The following ARHGEF28 variants were observed in gnomAD, a reference collection of about 807,000 sequenced individuals.
ARHGEF28 encodes 190 kDa guanine nucleotide exchange factor.
ARHGEF28 carries 152 observed loss-of-function variants against 206.6 expected under a neutral mutation model. The ratio of observed to expected loss-of-function variants is 0.74; its 90% CI spans 0.64 to 0.84. The LOEUF is 0.84. Among genes scored for constraint, ARHGEF28 ranks in the 40% least tolerant of loss-of-function variants. The pLI, the probability that ARHGEF28 is intolerant of heterozygous loss-of-function variation, is 0.00. For synonymous variants in ARHGEF28, 763 were observed against 776.4 expected, an observed-to-expected ratio of 0.98 and a Z score of 0.29; for missense variants, 2,028 against 2,073.2, an observed-to-expected ratio of 0.98 and a Z score of 0.42.
chr5:73,855,644 A>T (rs1032318851), intron 14 of ARHGEF28, among the ~76,000 whole-genome samples: 2 of 151,988 alleles, frequency 1.3e-5, no homozygotes, highest in African/African-American at 2.4e-5. Flanking sequence ...AGGCAGGTGA[A>T]TCACTTGAAC....
At chr5:73,845,986 CAAAAAAAAA>C (rs57600570) in intron 11 of ARHGEF28, among the ~76,000 whole-genome samples, 24 of 63,736 alleles carry the variant, frequency 3.8e-4, no homozygotes, top group African/African-American at 9.8e-4. Context: ...AAAACTGTCT[CAAAAAAAAA>C]AAAAAAAAAA....
chr5:73,787,074 A>G (rs1304545215), intron 7 of ARHGEF28, among the ~76,000 whole-genome samples: 2 of 152,194 alleles, frequency 1.3e-5, no homozygotes, highest in East Asian at 1.9e-4. Flanking sequence ...GTTGTTTCCA[A>G]GATTTTTCAT....
At chr5:73,798,174 A>G (rs1334826084) in intron 9 of ARHGEF28, among the ~76,000 whole-genome samples, 1 of 152,168 alleles carries the variant, frequency 6.6e-6, no homozygotes, top group Non-Finnish European at 1.5e-5. Flanking sequence ...AAATAAGCAC[A>G]TCATGGGGAA....
At chr5:73,629,358 G>C (rs915116344) in intron 1 of ARHGEF28, among the ~76,000 whole-genome samples, 3 of 151,996 alleles carry the variant, frequency 2.0e-5, no homozygotes, top group African/African-American at 7.3e-5. Flanking sequence ...AAACTAGCCA[G>C]GCATGGTGGT....
Position 73,846,343 on chromosome 5 carries a change from A to G in ARHGEF28, c.1503A>G (p.Pro501=), listed in dbSNP as rs374237927. The change falls in exon 12 of 36, where the codon CCA becomes CCG. Residue 501 remains proline (P), a synonymous_variant. Coordinates refer to ENST00000513042, the MANE Select transcript of ARHGEF28 (RefSeq NM_001177693.2). ...HSEPSHICYT[P]GSQSSSRTGI... is the part of the protein sequence containing the mutation. ...AGCCATCCCACATCTGTTACACTCC[A>G]GGGTCTCAGAGCTCCTCAAGAACTG... 4.4e-5 allele frequency: 71 copies of G among 1,613,800 alleles called. No individual in the cohort carries two copies. In the African/African-American group the frequency reaches 8.3e-4, roughly 19 times the overall value.
chr5:73,898,240 G>A, intron 30 of ARHGEF28, 147 bp downstream of exon 30: 2 of 981,136 alleles, frequency 2.0e-6, no homozygotes, highest in Non-Finnish European at 2.9e-6. Flanking sequence ...GAATAAATAT[G>A]CTAGCCTAAA....
chr5:73,848,898 T>C, intron 12 of ARHGEF28, 78 bp from the exon 13 acceptor site: 1 of 1,033,676 alleles, frequency 9.7e-7, no homozygotes, highest in African/African-American at 1.7e-5. Flanking sequence ...GGTGCAAATT[T>C]AGTAACATTT....
intron 4 of ARHGEF28, among the ~76,000 whole-genome samples, chr5:73,766,796 C>G (rs913395813): frequency 6.6e-6 from 1 of 152,244 alleles, no homozygotes; most frequent in South Asian, 2.1e-4. Context: ...GCAGCATTAT[C>G]TAATACATTT....
At chr5:73,834,125 T>C (rs983888824) in intron 10 of ARHGEF28, among the ~76,000 whole-genome samples, 4 of 152,198 alleles carry the variant, frequency 2.6e-5, no homozygotes, top group African/African-American at 4.8e-5. Context: ...TTGATACATG[T>C]ACATATTATG....
At position 73,931,650 on chromosome 5, in the gene ARHGEF28, C is replaced by T. The variant is rs146919253; in HGVS notation, c.4949-9194C>T. 3.0e-3 allele frequency among the ~76,000 whole-genome samples: 462 copies of T among 152,062 alleles called. 5 individuals are homozygous for T. In the Middle Eastern group the frequency reaches 0.092, roughly 30 times the overall value. On this transcript the variant is annotated intron_variant, in intron 35 of 35. Transcript: ENST00000513042. ...ACTGAAAATTTTCAAGATATTTTTC[C>T]TGTTACAGCTGCTATTTTATGGAAT...
At chr5:73,813,935 G>A (rs1372237727) in intron 9 of ARHGEF28, among the ~76,000 whole-genome samples, 1 of 151,180 alleles carries the variant, frequency 6.6e-6, no homozygotes, top group Non-Finnish European at 1.5e-5. Context: ...AAAGAAGGGA[G>A]TTTAGTATAA....
chr5:73,851,608 C>T (rs796193518), intron 13 of ARHGEF28, among the ~76,000 whole-genome samples: 13 of 152,182 alleles, frequency 8.5e-5, no homozygotes, highest in African/African-American at 2.2e-4. Flanking sequence ...TGAGGAATGA[C>T]GTAAACATAC....
chr5:73,718,025 C>T (rs141482660), intron 2 of ARHGEF28, among the ~76,000 whole-genome samples: 2,336 of 152,130 alleles, frequency 0.015, 59 homozygotes, highest in African/African-American at 0.054. Context: ...ATTATAGGCA[C>T]GCACCACCAT....
intron 2 of ARHGEF28, among the ~76,000 whole-genome samples, chr5:73,718,154 G>A (rs1749702964): frequency 6.6e-6 from 1 of 152,142 alleles, no homozygotes; most frequent in South Asian, 2.1e-4. Context: ...TTACAGGCAT[G>A]AGCCACCACA....
In ARHGEF28 at chr5:73,909,537, C is replaced by T. The variant is rs1202675413; in HGVS notation, c.4287C>T (p.Asp1429=). ...GGPLQDQKSR[D]ADRQHEELAN... ...CCTTGCAGGACCAGAAGTCTCGCGA[C>T]GCGGACAGGCAGCATGAGGAGCTGG... Residue 1429 remains aspartate, a synonymous_variant, in exon 34 of 36, where the codon GAC becomes GAT. Coordinates refer to ENST00000513042, the MANE Select transcript of ARHGEF28 (RefSeq NM_001177693.2). The T allele has an allele frequency of 5.0e-6, 8 of 1,591,250 alleles. No homozygotes were observed. The highest frequency in any genetic ancestry group is 1.7e-4 in the Middle Eastern group (1 of 6,048).
intron 35 of ARHGEF28, chr5:73,923,295 C>A: frequency 2.6e-6 from 2 of 772,276 alleles, no homozygotes; most frequent in Non-Finnish European, 3.9e-6. Context: ...AAAAAAAAAT[C>A]AAATACTAAA....
At chr5:73,808,174 G>T (rs1269149955) in intron 9 of ARHGEF28, among the ~76,000 whole-genome samples, 5 of 152,014 alleles carry the variant, frequency 3.3e-5, no homozygotes, top group African/African-American at 7.3e-5. Flanking sequence ...GACAACAGTG[G>T]TTGTACCATG....
intron 22 of ARHGEF28, among the ~76,000 whole-genome samples, chr5:73,874,965 G>C (rs1466739808): frequency 3.3e-5 from 5 of 151,982 alleles, no homozygotes; most frequent in African/African-American, 7.3e-5. Flanking sequence ...GATGGTATTT[G>C]TAGTTCTAGA....
At chr5:73,732,350 C>A (rs1481312177) in intron 2 of ARHGEF28, among the ~76,000 whole-genome samples, 2 of 147,858 alleles carry the variant, frequency 1.4e-5, no homozygotes, top group Admixed American at 6.7e-5. Flanking sequence ...TTTTTTTTTT[C>A]ACTCAGTGAC....
Sources: allele counts gnomAD v4.1 joint callset (sites outside exome capture counted in the v4.1 genomes callset), GRCh38; gene constraint gnomAD v4.1.1; transcripts MANE v1.5; gene names NCBI Gene and HGNC (gene_info 2026-07-23, HGNC 2026-07-21).